Variants in ACSM2B observed in about 807,000 individuals in gnomAD.
The protein encoded by ACSM2B is acyl-coenzyme A synthetase ACSM2B, mitochondrial.
ACSM2B carries 58 observed loss-of-function variants against 78.6 expected under a neutral mutation model. That is an observed-to-expected ratio of 0.74 (90% CI 0.60 to 0.92). The LOEUF (loss-of-function observed/expected upper bound fraction) is 0.92, where lower values mean the gene tolerates loss of function less well. Among genes scored for constraint, ACSM2B ranks in the 40% least tolerant of loss-of-function variants. The pLI is 0.00. For missense variants in ACSM2B, 688 were observed against 711.2 expected, an observed-to-expected ratio of 0.97 and a Z score of 0.37; for synonymous variants, 257 against 256.8, an observed-to-expected ratio of 1.00 and a Z score of -0.01.
intron 13 of ACSM2B, among the ~76,000 whole-genome samples, 182 bp from the exon 14 acceptor site, chr16:20,537,544 T>C (rs1234488118): frequency 6.6e-6 from 1 of 152,132 alleles, no homozygotes; most frequent in African/African-American, 2.4e-5. Flanking sequence ...ATGGCTAGAA[T>C]TGGGCATAAA....
intron 6 of ACSM2B, among the ~76,000 whole-genome samples, chr16:20,549,055 T>C (rs9922704): frequency 0.14 from 21,369 of 152,142 alleles, 3,378 homozygotes; most frequent in African/African-American, 0.39. Flanking sequence ...AATAACCTCA[T>C]GGAGTGTGCG....
At chr16:20,566,728 T>C (rs1254105669) in intron 1 of ACSM2B, among the ~76,000 whole-genome samples, 3 of 16,980 alleles carry the variant, frequency 1.8e-4, no homozygotes, top group African/African-American at 8.8e-4. Flanking sequence ...GTATATACTA[T>C]ATATAGTATA....
intron 1 of ACSM2B, among the ~76,000 whole-genome samples, chr16:20,569,465 C>T (rs1036353968): frequency 6.6e-6 from 1 of 151,802 alleles, no homozygotes; most frequent in Non-Finnish European, 1.5e-5. Flanking sequence ...TGCTGTTTTG[C>T]TGACTATGGC....
chr16:20,566,682 G>GTATATACTA (rs2015871942), intron 1 of ACSM2B, among the ~76,000 whole-genome samples: 44 of 3,998 alleles, frequency 0.011, 4 homozygotes, highest in Admixed American at 0.027. Flanking sequence ...TATACATATA[G>GTATATACTA]TATATACTAT....
At chr16:20,551,872 G>A (rs1280310883) in intron 6 of ACSM2B, among the ~76,000 whole-genome samples, 2 of 152,128 alleles carry the variant, frequency 1.3e-5, no homozygotes, top group African/African-American at 2.4e-5. Flanking sequence ...TGACACCAGT[G>A]GAAGAGCCCA....
At chr16:20,539,425 TC>T (rs1192252676) in intron 13 of ACSM2B, among the ~76,000 whole-genome samples, 1 of 117,202 alleles carries the variant, frequency 8.5e-6, no homozygotes, top group Non-Finnish European at 1.8e-5. Context: ...TGGGACAAGC[TC>T]CTATCTGGGA....
intron 5 of ACSM2B, 135 bp downstream of exon 5, chr16:20,553,642 C>CTT: frequency 7.1e-7 from 1 of 1,399,238 alleles, no homozygotes; most frequent in Non-Finnish European, 9.6e-7. Flanking sequence ...GCCATGTCCT[C>CTT]TTTAGCTTTC....
intron 1 of ACSM2B, among the ~76,000 whole-genome samples, chr16:20,569,113 G>T (rs2016019335): frequency 6.6e-6 from 1 of 151,752 alleles, no homozygotes; most frequent in Admixed American, 6.6e-5. Context: ...TTTGCTTTTG[G>T]GTTCTTGGTC....
At position 20,548,171 on chromosome 16, in the gene ACSM2B, T is replaced by C. The variant is rs745608503; in HGVS notation, c.989A>G (p.His330Arg). The C allele has an allele frequency of 1.2e-6, 2 of 1,613,960 alleles. No homozygotes were observed. Among genetic ancestry groups the C allele is most frequent in the South Asian group, 2.2e-5 (2 of 91,072 alleles). The change falls in exon 8 of 14, where the codon CAT becomes CGT. Residue 330 changes from histidine (H) to arginine (R), a missense_variant. His to Arg is a conservative substitution (Grantham distance 29). Transcript: ENST00000329697. ...CCCTCCAGCGAGGCAGTTCTGTAGATGGGGGAACTTGTAACTGAAGAAGAG... is the reference window on the plus strand; with the variant it reads ...CCCTCCAGCGAGGCAGTTCTGTAGACGGGGGAACTTGTAACTGAAGAAGAG... Reference protein sequence around the residue: ...QQDLSSYKFPHLQNCLAGGES... With the variant: ...QQDLSSYKFPRLQNCLAGGES...
chr16:20,546,479 G>C lies in ACSM2B; in HGVS notation c.1099-5C>G, dbSNP rs2015146427. 1 of 1,594,398 alleles carries C rather than the reference G, an allele frequency of 6.3e-7. No individual in the cohort carries two copies. The highest frequency in any genetic ancestry group is 1.4e-5 in the African/African-American group (1 of 73,870). On this transcript the variant is annotated splice_region_variant and splice_polypyrimidine_tract_variant and intron_variant, in intron 8 of 13. Coordinates refer to ENST00000329697, the MANE Select transcript of ACSM2B (RefSeq NM_001105069.2). ...GGAAACCATGCAAGTTAATCCCTGT[G>C]GAAAGAAGCAGACAGATCAGCAAAC...
intron 2 of ACSM2B, among the ~76,000 whole-genome samples, chr16:20,560,313 C>T (rs1380808866): frequency 6.6e-6 from 1 of 151,722 alleles, no homozygotes; most frequent in Non-Finnish European, 1.5e-5. Flanking sequence ...AGAGGTGGGG[C>T]TTGGTAGGAG....
chr16:20,548,271 T>A (rs2015203228), intron 7 of ACSM2B, 86 bp from the exon 8 acceptor site: 2 of 1,608,962 alleles, frequency 1.2e-6, no homozygotes, highest in Non-Finnish European at 1.7e-6. Context: ...GGTGCTTTGA[T>A]GATGCAAATG....
chr16:20,544,594 G>C (rs1289976254), intron 10 of ACSM2B: 23 of 985,228 alleles, frequency 2.3e-5, no homozygotes, highest in Non-Finnish European at 2.8e-5. Context: ...GCATGCCCTT[G>C]GGTTCTTCTC....
In ACSM2B at chr16:20,537,108, G is replaced by A. The variant is rs1406726669; in HGVS notation, c.*150C>T. On this transcript the variant is annotated 3_prime_UTR_variant, in exon 14 of 14. Transcript: ENST00000329697. ...CTTTCTTATTTCAATATCTAACATA[G>A]TAATGTTTTGTGCTAATAACCAGGG... is the stretch of plus-strand genomic sequence containing the variant. 2.3e-6 allele frequency: 2 copies of A among 874,930 alleles called. No homozygotes were observed. Among genetic ancestry groups the A allele is most frequent in the Non-Finnish European group, 1.8e-6 (1 of 554,266 alleles). The allele number at this position is 874,930 out of a possible 1,614,324, so 54.2% of individuals were successfully genotyped here.
intron 12 of ACSM2B, 149 bp downstream of exon 12, chr16:20,542,765 A>G: frequency 9.6e-7 from 1 of 1,037,262 alleles, no homozygotes; most frequent in South Asian, 1.7e-5. Flanking sequence ...GAGGCCAAGT[A>G]GCTTACCCAA....
rs760926564 is a variant in ACSM2B at position 20,564,669 on chromosome 16, C to T, written c.177G>A (p.Lys59=). The change falls in exon 2 of 14, where the codon AAG becomes AAA. Residue 59 remains lysine (K), a splice_region_variant and synonymous_variant. Transcript: ENST00000329697. ...CTGTGCCTCTTTTCCATCCCATTAC[C>T]TTCTCCATGTCAGCCCAGTGATCCA... ...DVLDHWADME[K]AGKRLPSPAL... The T allele has an allele frequency of 1.2e-6, 2 of 1,613,614 alleles. No individual in the cohort carries two copies. The highest frequency in any genetic ancestry group is 8.5e-7 in the Non-Finnish European group (1 of 1,179,756).
In ACSM2B at chr16:20,561,184, C is replaced by A. The variant is rs567113951; in HGVS notation, c.178-1737G>T. ...AGTGAAATTAGCCAGACACAAAAAA[C>A]CAAATACTGTGTGATTTCATTTATA... On this transcript the variant is annotated intron_variant, in intron 2 of 13. Coordinates refer to ENST00000329697, the MANE Select transcript of ACSM2B (RefSeq NM_001105069.2). 1.2e-3 allele frequency among the ~76,000 whole-genome samples: 180 copies of A among 152,122 alleles called. 3 individuals carry two copies. Among genetic ancestry groups the A allele is most frequent in the South Asian group, 7.8e-3 (37 of 4,766 alleles).
At chr16:20,560,457 C>T (rs1464691426) in intron 2 of ACSM2B, among the ~76,000 whole-genome samples, 2 of 151,926 alleles carry the variant, frequency 1.3e-5, no homozygotes, top group African/African-American at 4.8e-5. Context: ...CTCATCTTGC[C>T]CTTTGTTGTG....
intron 1 of ACSM2B, among the ~76,000 whole-genome samples, chr16:20,567,498 A>C (rs1567219338): frequency 7.9e-6 from 1 of 126,794 alleles, no homozygotes; most frequent in African/African-American, 3.0e-5. Flanking sequence ...TAAATAATAT[A>C]TAAAATATAT....
Sources: allele counts gnomAD v4.1 joint callset (sites outside exome capture counted in the v4.1 genomes callset), GRCh38; gene constraint gnomAD v4.1.1; transcripts MANE v1.5; gene names NCBI Gene and HGNC (gene_info 2026-07-23, HGNC 2026-07-21).